DENND5A: variants seen among roughly 807,000 people sequenced by gnomAD.
DENND5A encodes the protein DENN domain containing 5A.
In DENND5A, 64 loss-of-function variants were observed where a neutral mutation model predicts 140.3. The ratio of observed to expected loss-of-function variants is 0.46; its 90% confidence interval spans 0.37 to 0.56. DENND5A has a LOEUF of 0.56. Among genes scored for constraint, DENND5A ranks in the 20% least tolerant of loss-of-function variants. The probability of loss-of-function intolerance (pLI) is 0.00; values close to 1 mark genes in which losing one functional copy is unlikely to be tolerated. For synonymous variants in DENND5A, 605 were observed against 607.7 expected (o/e 1.00, Z 0.07); for missense variants, 1,292 against 1,593.8 (o/e 0.81, Z 3.22).
chr11:9,232,848 T>G (rs183072556), intron 1 of DENND5A, among the ~76,000 whole-genome samples: 5 of 152,258 alleles, frequency 3.3e-5, no homozygotes, highest in Admixed American at 3.3e-4. Flanking sequence ...AATTAACAGA[T>G]AAGGTGTGGT....
At chr11:9,160,675 A>G (rs1238255098) in intron 12 of DENND5A, 38 bp downstream of exon 12, 1 of 1,574,940 alleles carries the variant, frequency 6.3e-7, no homozygotes, top group Non-Finnish European at 8.7e-7. Flanking sequence ...AAACAGGAAG[A>G]CAATTTGCTC....
intron 1 of DENND5A, among the ~76,000 whole-genome samples, chr11:9,214,407 T>G (rs1376284494): frequency 1.3e-5 from 2 of 152,232 alleles, no homozygotes; most frequent in Admixed American, 1.3e-4. Context: ...ATCATTACTT[T>G]TATTAATAGA....
chr11:9,166,834 AAAAT>A (rs966947281), intron 10 of DENND5A, among the ~76,000 whole-genome samples: 36 of 152,020 alleles, frequency 2.4e-4, no homozygotes, highest in Non-Finnish European at 3.8e-4. Context: ...TCCATCACAA[AAAAT>A]AAATAAATAA....
chr11:9,262,114 C>T (rs1852230898), intron 1 of DENND5A, among the ~76,000 whole-genome samples: 8 of 152,086 alleles, frequency 5.3e-5, no homozygotes, highest in Admixed American at 5.2e-4. Context: ...TGTTGAAAGA[C>T]AGTTTTTAAA....
At chr11:9,194,873 C>T (rs534545709) in intron 4 of DENND5A, among the ~76,000 whole-genome samples, 2 of 151,408 alleles carry the variant, frequency 1.3e-5, no homozygotes, top group South Asian at 2.1e-4. Flanking sequence ...GTGCCCACCA[C>T]CGCACCTGGC....
At chr11:9,147,419 T>C (rs1226202974) in intron 15 of DENND5A, among the ~76,000 whole-genome samples, 2 of 152,192 alleles carry the variant, frequency 1.3e-5, no homozygotes, top group Admixed American at 6.5e-5. Flanking sequence ...TCAGAAGTCA[T>C]GAAATCTCCT....
chr11:9,203,975 G>C lies in DENND5A; in HGVS notation c.634C>G (p.Pro212Ala), dbSNP rs1285321123. The C allele has an allele frequency of 6.2e-7, 1 of 1,614,010 alleles. No homozygotes were observed. Among genetic ancestry groups the C allele is most frequent in the Non-Finnish European group, 8.5e-7 (1 of 1,180,026 alleles). Reference protein sequence around the residue: ...YVSKCICLITPMSFMKACRSV... With the variant: ...YVSKCICLITAMSFMKACRSV... The stretch of plus-strand genomic sequence containing the variant: ...CGACATGCCTTCATGAAAGACATGG[G>C]TGTGATGAGGCAGATGCACTTAGAG... Residue 212 changes from proline to alanine, a missense_variant, in exon 4 of 23, where the codon CCC (proline) becomes GCC (alanine). Pro to Ala is a conservative substitution (Grantham distance 27). This residue lies in a region of DENND5A where 566 missense variants were observed against 650.4 expected (regional missense o/e 0.87). Transcript: ENST00000328194.
intron 1 of DENND5A, among the ~76,000 whole-genome samples, chr11:9,238,111 T>C (rs1447093547): frequency 6.6e-6 from 1 of 152,198 alleles, no homozygotes; most frequent in African/African-American, 2.4e-5. Context: ...TGAATTCAAC[T>C]TGAGTGGGTT....
chr11:9,206,838 G>C, intron 2 of DENND5A, 56 bp from the exon 3 acceptor site: 3 of 1,296,046 alleles, frequency 2.3e-6, no homozygotes, highest in Non-Finnish European at 3.4e-6. Context: ...AAGTCACAGG[G>C]TTATAAATGT....
chr11:9,185,133 G>GT (rs1294687658), intron 5 of DENND5A, among the ~76,000 whole-genome samples: 1 of 152,214 alleles, frequency 6.6e-6, no homozygotes, highest in Non-Finnish European at 1.5e-5. Flanking sequence ...GGAGTCTGCA[G>GT]TGAGTCGAGA....
chr11:9,168,602 A>T (rs1011966938), intron 10 of DENND5A, among the ~76,000 whole-genome samples: 1 of 152,088 alleles, frequency 6.6e-6, no homozygotes, highest in Non-Finnish European at 1.5e-5. Flanking sequence ...AAATAACACA[A>T]ATAACCAAAA....
intron 11 of DENND5A, 106 bp from the exon 12 acceptor site, chr11:9,160,971 G>T: frequency 1.7e-6 from 2 of 1,142,924 alleles, no homozygotes; most frequent in African/African-American, 1.5e-5. Context: ...GGCTGGGAAG[G>T]ACAGGATGAA....
intron 6 of DENND5A, 51 bp from the exon 7 acceptor site, chr11:9,179,124 C>T (rs764656709): frequency 1.3e-6 from 2 of 1,513,730 alleles, no homozygotes; most frequent in Admixed American, 3.6e-5. Context: ...TTCCTTTTAA[C>T]CCAAGGAATG....
chr11:9,238,474 T>A (rs995175449), intron 1 of DENND5A, among the ~76,000 whole-genome samples: 62 of 151,922 alleles, frequency 4.1e-4, no homozygotes, highest in African/African-American at 1.5e-3. Context: ...TAGGCTGCAG[T>A]GGCGCCATCT....
chr11:9,238,977 G>A (rs1851121282), intron 1 of DENND5A, among the ~76,000 whole-genome samples: 1 of 151,144 alleles, frequency 6.6e-6, no homozygotes, highest in Admixed American at 6.6e-5. Flanking sequence ...GATTACAGGT[G>A]CACGCCACCA....
chr11:9,237,061 A>G (rs760002144), intron 1 of DENND5A, among the ~76,000 whole-genome samples: 10 of 152,230 alleles, frequency 6.6e-5, no homozygotes, highest in Non-Finnish European at 1.3e-4. Flanking sequence ...TTCATAGAAT[A>G]AACAAATGTA....
intron 1 of DENND5A, among the ~76,000 whole-genome samples, chr11:9,245,914 G>A (rs773688547): frequency 6.6e-6 from 1 of 152,100 alleles, no homozygotes; most frequent in Non-Finnish European, 1.5e-5. Context: ...GATTATAGGC[G>A]TGAGCCACCA....
intron 1 of DENND5A, among the ~76,000 whole-genome samples, chr11:9,228,638 G>A (rs1482288326): frequency 6.6e-6 from 1 of 151,206 alleles, no homozygotes; most frequent in Non-Finnish European, 1.5e-5. Context: ...AGAATCACTT[G>A]AACCCGGGAG....
chr11:9,211,988 C>T (rs1849899393), intron 1 of DENND5A, among the ~76,000 whole-genome samples: 1 of 150,456 alleles, frequency 6.6e-6, no homozygotes, highest in Non-Finnish European at 1.5e-5. Flanking sequence ...ATGCAGTGGG[C>T]TGGCTTAAAA....
Sources: allele counts gnomAD v4.1 joint callset (sites outside exome capture counted in the v4.1 genomes callset), GRCh38; gene constraint gnomAD v4.1.1; regional missense constraint gnomAD v4.1.1; transcripts MANE v1.5; gene names NCBI Gene and HGNC (gene_info 2026-07-23, HGNC 2026-07-21).